Variants in DEPDC5 observed in about 807,000 individuals in gnomAD.
The protein encoded by DEPDC5 is DEP domain containing 5, GATOR1 subcomplex subunit.
A neutral mutation model predicts 217.3 loss-of-function variants in DEPDC5; 73 were observed. The observed-to-expected ratio is 0.34, with a 90% CI of 0.28 to 0.41. DEPDC5 has a LOEUF of 0.41. Among genes scored for constraint, DEPDC5 ranks in the 10% least tolerant of loss-of-function variants. The pLI is 1.00. For missense variants in DEPDC5, 1,675 were observed against 2,070.1 expected (o/e 0.81, Z 3.70); for synonymous variants, 733 against 756.7 (o/e 0.97, Z 0.51).
intron 30 of DEPDC5, 108 bp downstream of exon 30, chr22:31,845,345 G>C: frequency 7.2e-7 from 1 of 1,381,676 alleles, no homozygotes; most frequent in South Asian, 1.3e-5. Context: ...CTCCTCAGCT[G>C]CCCAGTGTTT....
At chr22:31,892,873 ATTTTT>A (rs948740613) in intron 38 of DEPDC5, among the ~76,000 whole-genome samples, 7 of 120,080 alleles carry the variant, frequency 5.8e-5, no homozygotes, top group Admixed American at 8.6e-5. Context: ...TTGGTGGTGT[ATTTTT>A]TTTTTTTTTT....
At chr22:31,851,454 G>A (rs1569106137) in intron 31 of DEPDC5, among the ~76,000 whole-genome samples, 7 of 152,174 alleles carry the variant, frequency 4.6e-5, no homozygotes. Flanking sequence ...CCACCTCACA[G>A]CTAGATCAGG....
intron 38 of DEPDC5, among the ~76,000 whole-genome samples, chr22:31,881,422 C>G (rs1349681099): frequency 6.6e-6 from 1 of 152,034 alleles, no homozygotes; most frequent in Non-Finnish European, 1.5e-5. Flanking sequence ...TTGAGCAGCT[C>G]CTCCTCCTTT....
At chr22:31,759,424 A>G (rs2082202485) in intron 3 of DEPDC5, among the ~76,000 whole-genome samples, 1 of 150,502 alleles carries the variant, frequency 6.6e-6, no homozygotes, top group South Asian at 2.2e-4. Flanking sequence ...CCCAGGCTGA[A>G]GTGCAGTGGT....
intron 41 of DEPDC5, among the ~76,000 whole-genome samples, chr22:31,902,335 A>G (rs1486152479): frequency 2.7e-5 from 4 of 150,666 alleles, no homozygotes; most frequent in African/African-American, 9.8e-5. Context: ...TAGTCATGGT[A>G]AAAACAAAGC....
chr22:31,861,613 G>A (rs1221667153), intron 33 of DEPDC5, among the ~76,000 whole-genome samples, 180 bp downstream of exon 33: 1 of 152,194 alleles, frequency 6.6e-6, no homozygotes, highest in East Asian at 1.9e-4. Flanking sequence ...CGAAGGGGGG[G>A]ATGGAAGAGG....
In DEPDC5 at chr22:31,906,093, A is replaced by G; in HGVS notation, c.4519+27A>G. On this transcript the variant is annotated intron_variant, in intron 42 of 42. Transcript: ENST00000651528. The surrounding 1 kb of genome is among the most constrained non-coding windows in gnomAD (Gnocchi z 5.1). The stretch of plus-strand genomic sequence containing the variant: ...TGAGGAGCTACGGGCAGAGTTGGGC[A>G]GGTGGGTCCACATCCCTTTCCTTGC... 6.2e-7 allele frequency: 1 copy of G among 1,613,892 alleles called. No individual in the cohort carries two copies. The highest frequency in any genetic ancestry group is 8.5e-7 in the Non-Finnish European group (1 of 1,179,848).
intron 38 of DEPDC5, among the ~76,000 whole-genome samples, chr22:31,886,529 G>A: frequency 6.6e-6 from 1 of 152,002 alleles, no homozygotes; most frequent in East Asian, 1.9e-4. Context: ...GAAGGCCGAA[G>A]CAGGCAGATC....
intron 38 of DEPDC5, among the ~76,000 whole-genome samples, chr22:31,885,741 A>G (rs1023028735): frequency 4.7e-5 from 7 of 147,808 alleles, no homozygotes; most frequent in East Asian, 2.0e-4. Context: ...AAAAAAAAAA[A>G]AGAGACAGGG....
At chr22:31,902,027 T>C (rs575161632) in intron 41 of DEPDC5, among the ~76,000 whole-genome samples, 1 of 152,184 alleles carries the variant, frequency 6.6e-6, no homozygotes, top group Non-Finnish European at 1.5e-5. Flanking sequence ...ATTATTTTCT[T>C]CTTCCAGTTG....
At chr22:31,905,387 A>G (rs1465967083) in intron 41 of DEPDC5, among the ~76,000 whole-genome samples, 2 of 151,598 alleles carry the variant, frequency 1.3e-5, no homozygotes, top group African/African-American at 4.8e-5. Context: ...ACTGAGGCGG[A>G]GAATCACTTG....
At chr22:31,807,193 T>C (rs2148673585) in intron 18 of DEPDC5, among the ~76,000 whole-genome samples, 1 of 152,286 alleles carries the variant, frequency 6.6e-6, no homozygotes, top group East Asian at 1.9e-4. Flanking sequence ...ATTTCAGCCA[T>C]GTGTATTGAG....
intron 38 of DEPDC5, among the ~76,000 whole-genome samples, chr22:31,892,205 C>T (rs1386421728): frequency 1.3e-5 from 2 of 152,188 alleles, no homozygotes; most frequent in Non-Finnish European, 2.9e-5. Context: ...CTGATTCCAT[C>T]ATCTTGGCCA....
At chr22:31,769,806 A>G (rs2083173347) in intron 7 of DEPDC5, 1 of 152,058 alleles carries the variant, frequency 6.6e-6, no homozygotes. Context: ...CCTGTAGTCC[A>G]GCTACCCGGG....
chr22:31,869,604 C>T (rs2092785391), intron 33 of DEPDC5, among the ~76,000 whole-genome samples: 1 of 151,144 alleles, frequency 6.6e-6, no homozygotes, highest in African/African-American at 2.4e-5. Context: ...AGGTTTTTAG[C>T]CACTAGTTGT....
At chr22:31,872,337 T>C (rs1425473742) in intron 34 of DEPDC5, among the ~76,000 whole-genome samples, 1 of 152,174 alleles carries the variant, frequency 6.6e-6, no homozygotes, top group African/African-American at 2.4e-5. Context: ...AGGGTCGGTG[T>C]TAATTATTTT....
intron 24 of DEPDC5, among the ~76,000 whole-genome samples, chr22:31,827,927 G>A (rs2090279884): frequency 6.6e-6 from 1 of 152,100 alleles, no homozygotes; most frequent in Non-Finnish European, 1.5e-5. Flanking sequence ...TCCTGTATTG[G>A]ATGATAAATG....
chr22:31,905,601 G>C (rs1379207496), intron 41 of DEPDC5, among the ~76,000 whole-genome samples: 2 of 152,064 alleles, frequency 1.3e-5, no homozygotes, highest in Non-Finnish European at 2.9e-5. Flanking sequence ...GGATGGGGGA[G>C]AACGCTCAGT....
chr22:31,857,233 G>T (rs1056997954), intron 31 of DEPDC5, among the ~76,000 whole-genome samples: 82 of 152,196 alleles, frequency 5.4e-4, no homozygotes, highest in African/African-American at 1.8e-3. Context: ...TGCTTTTAAA[G>T]TTGGGCTATT....
Sources: allele counts gnomAD v4.1 joint callset (sites outside exome capture counted in the v4.1 genomes callset), GRCh38; gene constraint gnomAD v4.1.1; non-coding constraint Gnocchi (gnomAD v3.1); transcripts MANE v1.5; gene names NCBI Gene and HGNC (gene_info 2026-07-23, HGNC 2026-07-21).